Variants in GP2 observed in about 807,000 individuals in gnomAD.
GP2 encodes the protein glycoprotein 2.
Under a neutral mutation model 60.8 loss-of-function variants are expected in GP2, and 58 were observed. The observed-to-expected ratio is 0.95, with a 90% CI of 0.77 to 1.19. GP2 has a LOEUF of 1.19. GP2 is among the 50% of genes most tolerant of loss of function. GP2 has a pLI of 0.00. For missense variants in GP2, 647 were observed against 667.4 expected (o/e 0.97, Z 0.34); for synonymous variants, 280 against 253.4 (o/e 1.10, Z -1.00).
chr16:20,316,140 A>C (rs1402464369), intron 8 of GP2, 100 bp from the exon 9 acceptor site: 1 of 741,544 alleles, frequency 1.3e-6, no homozygotes, highest in Non-Finnish European at 2.4e-6. Flanking sequence ...AACTGTGTCC[A>C]GAACTGGTTC....
rs78425396 is a variant in GP2, at chr16:20,309,722, C to T, written c.*1501G>A. 1 of 151,334 alleles carries T rather than the reference C, an allele frequency of 6.6e-6. No individual in the cohort carries two copies. The highest frequency in any genetic ancestry group is 2.1e-4 in the South Asian group (1 of 4,820). 9.4% of individuals were successfully genotyped at this position (151,334 alleles called of 1,614,324 possible). A position where few individuals can be genotyped will look rare whatever the true frequency, so the allele number is the denominator to read the frequency against. Reference sequence around the variant, plus strand: ...AAAGAGGAACAGAAGGCAAGACAAACTTTGGTTTCTTTTGGCTTGCCAGGC... The same window carrying T: ...AAAGAGGAACAGAAGGCAAGACAAATTTTGGTTTCTTTTGGCTTGCCAGGC... On this transcript the variant is annotated 3_prime_UTR_variant, in exon 11 of 11. Transcript: ENST00000302555.
At chr16:20,323,426 T>C in intron 3 of GP2, 1 of 718,058 alleles carries the variant, frequency 1.4e-6, no homozygotes, top group Non-Finnish European at 2.6e-6. Context: ...ACATTTGAAG[T>C]ACTTAGGATA....
intron 7 of GP2, among the ~76,000 whole-genome samples, chr16:20,317,837 G>A (rs948948283): frequency 1.4e-4 from 22 of 152,146 alleles, no homozygotes; most frequent in African/African-American, 5.3e-4. Context: ...AGCCGGGCAT[G>A]TTTAATGATA....
chr16:20,315,446 T>C (rs1964135090), intron 9 of GP2, among the ~76,000 whole-genome samples: 2 of 152,328 alleles, frequency 1.3e-5, no homozygotes, highest in East Asian at 1.9e-4. Flanking sequence ...CCCTATATTA[T>C]ACTCCAGAAT....
chr16:20,314,563 C>T, intron 10 of GP2, 94 bp downstream of exon 10: 4 of 868,180 alleles, frequency 4.6e-6, no homozygotes, highest in Non-Finnish European at 8.0e-6. Flanking sequence ...ATGTCAGTGT[C>T]CCTAGCATAG....
In GP2 at chr16:20,319,758, G is replaced by T. The variant is rs777560325; in HGVS notation, c.869C>A (p.Thr290Asn). The T allele has an allele frequency of 1.6e-5, 25 of 1,612,730 alleles. No individual in the cohort carries two copies. The highest frequency in any genetic ancestry group is 1.8e-5 in the Non-Finnish European group (21 of 1,178,870). Residue 290 changes from threonine to asparagine, a missense_variant, in exon 6 of 11, where the codon ACC becomes AAC. Coordinates refer to ENST00000302555, the MANE Select transcript of GP2 (RefSeq NM_001502.4). ...GAGGGTGTTTTTGTAGATGGCATGG[G>T]TTTGATTTCTCTTTGGCAAAAAAAC... ...ACRNILERNQ[T>N]HAIYKNTLSL...
At position 20,327,229 on chromosome 16, in the gene GP2, G is replaced by C. The variant is rs1303698763; in HGVS notation, c.-37+238C>G. On this transcript the variant is annotated intron_variant, in intron 1 of 10. Transcript: ENST00000302555. Reference sequence around the variant, plus strand: ...GATCCCAATAGAGACCTAGTTCCCTGGTGGGAATATCTGGGACAAGGAAGA... The same window carrying C: ...GATCCCAATAGAGACCTAGTTCCCTCGTGGGAATATCTGGGACAAGGAAGA... The C allele has an allele frequency of 3.7e-5, 12 of 328,086 alleles. No individual in the cohort carries two copies. In the East Asian group the frequency reaches 7.7e-4, roughly 21 times the overall value. The allele number at this position is 328,086 out of a possible 1,614,324, so 20.3% of individuals were successfully genotyped here.
chr16:20,323,543 T>C (rs1964437916), intron 3 of GP2: 1 of 561,276 alleles, frequency 1.8e-6, no homozygotes, highest in African/African-American at 1.9e-5. Context: ...AAATTAAACT[T>C]CTCAAATGGA....
rs763613303 is a variant in GP2 at position 20,316,018 on chromosome 16, C to T, written c.1439G>A (p.Arg480His). Residue 480 changes from arginine (R) to histidine (H), a missense_variant, in exon 9 of 11, where the codon CGC becomes CAC. Transcript: ENST00000302555. ...CQPSCSRSQV[R>H]SEVPAIDLAR... ...TAGGTCGATGGCCGGTACTTCACTG[C>T]GGACTTGACTTCTTGAGCAAGACTG... 47 of 1,611,800 alleles carry T rather than the reference C, an allele frequency of 2.9e-5. No individual in the cohort carries two copies. Among genetic ancestry groups the T allele is most frequent in the African/African-American group, 1.2e-4 (9 of 74,850 alleles).
chr16:20,324,051 T>C lies in GP2; in HGVS notation c.300A>G (p.Gly100=), dbSNP rs1567292401. Reference sequence around the variant, plus strand: ...GGACACAGGTCTCCGACATCCTTACTCCTCCTTCCCCTACAAAGCGGTACC... The same window carrying C: ...GGACACAGGTCTCCGACATCCTTACCCCTCCTTCCCCTACAAAGCGGTACC... ...SGWYRFVGEG[G]VRMSETCVQV... is the part of the protein sequence containing the mutation. Residue 100 remains glycine, a synonymous_variant, in exon 3 of 11, where the codon GGA becomes GGG. Transcript: ENST00000302555. The C allele has an allele frequency of 6.2e-7, 1 of 1,613,944 alleles. No homozygotes were observed. Among genetic ancestry groups the C allele is most frequent in the Non-Finnish European group, 8.5e-7 (1 of 1,179,828 alleles).
chr16:20,321,460 G>A (rs1015664666), intron 4 of GP2, among the ~76,000 whole-genome samples: 2 of 152,136 alleles, frequency 1.3e-5, no homozygotes, highest in African/African-American at 4.8e-5. Context: ...CATATCAACA[G>A]TTTATTATAC....
chr16:20,326,595 G>A (rs1486033826), intron 1 of GP2, 128 bp from the exon 2 acceptor site: 23 of 715,652 alleles, frequency 3.2e-5, no homozygotes, highest in Middle Eastern at 6.0e-4. Flanking sequence ...CAGATAGAGC[G>A]AGATAATGGG....
At chr16:20,326,654 G>A (rs1227848734) in intron 1 of GP2, 187 bp from the exon 2 acceptor site, 2 of 546,054 alleles carry the variant, frequency 3.7e-6, no homozygotes, top group Admixed American at 3.3e-5. Flanking sequence ...GAGCTGGCTA[G>A]TACTGCAGAA....
At chr16:20,316,213 C>T (rs568064773) in intron 8 of GP2, among the ~76,000 whole-genome samples, 173 bp from the exon 9 acceptor site, 1 of 152,252 alleles carries the variant, frequency 6.6e-6, no homozygotes, top group East Asian at 1.9e-4. Context: ...ACTGTCATGC[C>T]AAACAAATCT....
chr16:20,318,076 G>T (rs2141599436), intron 7 of GP2, 109 bp downstream of exon 7: 1 of 850,410 alleles, frequency 1.2e-6, no homozygotes, highest in East Asian at 2.4e-5. Context: ...GTCAAAGATT[G>T]TGGTTATGAT....
At chr16:20,316,661 T>C (rs990523041) in intron 8 of GP2, among the ~76,000 whole-genome samples, 1 of 152,182 alleles carries the variant, frequency 6.6e-6, no homozygotes, top group Non-Finnish European at 1.5e-5. Flanking sequence ...AAGATGCCAA[T>C]GGAATCTAGT....
intron 6 of GP2, 116 bp from the exon 7 acceptor site, chr16:20,318,546 C>A: frequency 1.1e-6 from 1 of 876,738 alleles, no homozygotes; most frequent in Admixed American, 2.2e-5. Context: ...CTTAAGTGAA[C>A]TAGTCAATCA....
At position 20,309,991 on chromosome 16, in the gene GP2, A is replaced by G. The variant is rs563528576; in HGVS notation, c.*1232T>C. 8 of 152,290 alleles carry G rather than the reference A, an allele frequency of 5.3e-5. No homozygotes were observed. The highest frequency in any genetic ancestry group is 1.7e-4 in the African/African-American group (7 of 41,556). The allele number at this position is 152,290 out of a possible 1,614,324, so 9.4% of individuals were successfully genotyped here. A position where few individuals can be genotyped will look rare whatever the true frequency, so the allele number is the denominator to read the frequency against. ...TCTGAGGCCAACTTTGCGAGGCCTT[A>G]TCTGTAGCTGTGGGAAGGGCGTAAG... On this transcript the variant is annotated 3_prime_UTR_variant, in exon 11 of 11. Transcript: ENST00000302555.
Position 20,317,203 on chromosome 16 carries a change from A to C in GP2, c.1416+10T>G. 1 of 1,606,088 alleles carries C rather than the reference A, an allele frequency of 6.2e-7. No homozygotes were observed. Among genetic ancestry groups the C allele is most frequent in the South Asian group, 1.1e-5 (1 of 90,264 alleles). ...AGGCTCTGAAGAGTTCAGTTCAAAG[A>C]GACACTCACAGGCTGGCACTGTTCA... is the stretch of plus-strand genomic sequence containing the variant. On this transcript the variant is annotated intron_variant, in intron 8 of 10. Coordinates refer to ENST00000302555, the MANE Select transcript of GP2 (RefSeq NM_001502.4).
Sources: allele counts gnomAD v4.1 joint callset (sites outside exome capture counted in the v4.1 genomes callset), GRCh38; gene constraint gnomAD v4.1.1; transcripts MANE v1.5; gene names NCBI Gene and HGNC (gene_info 2026-07-23, HGNC 2026-07-21).